Variants in FSTL5 observed in about 807,000 individuals in gnomAD.
The protein encoded by FSTL5 is follistatin-related protein 5.
In FSTL5, 62 loss-of-function variants were observed where a neutral mutation model predicts 89.1. The observed-to-expected ratio is 0.70, with a 90% CI of 0.57 to 0.86. The LOEUF is 0.86. Among genes scored for constraint, FSTL5 ranks in the 40% least tolerant of loss-of-function variants. The probability of loss-of-function intolerance (pLI) is 0.00; values close to 1 mark genes in which losing one functional copy is unlikely to be tolerated. For synonymous variants in FSTL5, 383 were observed against 346.2 expected (o/e 1.11, Z -1.18); for missense variants, 1,057 against 1,001.6 (o/e 1.06, Z -0.75).
chr4:161,527,466 C>T (rs1188217039), intron 10 of FSTL5, among the ~76,000 whole-genome samples: 2 of 151,838 alleles, frequency 1.3e-5, no homozygotes, highest in Non-Finnish European at 2.9e-5. Context: ...CAAACAACCC[C>T]TTCAAAAAGT....
At chr4:161,992,591 C>T (rs1358447289) in intron 3 of FSTL5, among the ~76,000 whole-genome samples, 1 of 151,352 alleles carries the variant, frequency 6.6e-6, no homozygotes, top group African/African-American at 2.4e-5. Context: ...GCCTGTAATC[C>T]CAGCACTTTG....
At chr4:161,937,822 T>C (rs987444150) in intron 3 of FSTL5, among the ~76,000 whole-genome samples, 11 of 152,190 alleles carry the variant, frequency 7.2e-5, no homozygotes, top group African/African-American at 1.7e-4. Context: ...CCTCCTCATA[T>C]ACGTGTGCTG....
intron 13 of FSTL5, among the ~76,000 whole-genome samples, chr4:161,462,056 T>C (rs1397620389): frequency 2.0e-5 from 3 of 152,244 alleles, no homozygotes; most frequent in Admixed American, 2.0e-4. Context: ...CAAATTGCTT[T>C]TCTTTTCACC....
intron 12 of FSTL5, among the ~76,000 whole-genome samples, chr4:161,488,293 C>T (rs550516215): frequency 7.2e-5 from 11 of 152,048 alleles, no homozygotes; most frequent in African/African-American, 1.4e-4. Context: ...GTCATGGTAA[C>T]GTGGGGGCTC....
intron 3 of FSTL5, among the ~76,000 whole-genome samples, chr4:161,954,649 A>G (rs1734981179): frequency 6.6e-6 from 1 of 151,614 alleles, no homozygotes; most frequent in Non-Finnish European, 1.5e-5. Flanking sequence ...ATCATGCTAC[A>G]CTTGGTTTCA....
chr4:162,102,243 T>G (rs1731024958), intron 2 of FSTL5, among the ~76,000 whole-genome samples: 3 of 152,088 alleles, frequency 2.0e-5, no homozygotes, highest in African/African-American at 7.2e-5. Context: ...ACCTGTGTCC[T>G]AATATTCTGA....
chr4:161,732,460 T>C (rs2126763430), intron 6 of FSTL5, among the ~76,000 whole-genome samples: 1 of 152,156 alleles, frequency 6.6e-6, no homozygotes, highest in South Asian at 2.1e-4. Context: ...TTTTCACTTT[T>C]ATAATGATGC....
At chr4:161,652,133 T>A (rs1007599440) in intron 7 of FSTL5, among the ~76,000 whole-genome samples, 3 of 152,054 alleles carry the variant, frequency 2.0e-5, no homozygotes, top group Non-Finnish European at 4.4e-5. Flanking sequence ...CAGTTAAGTA[T>A]CTCTTTTATC....
intron 6 of FSTL5, among the ~76,000 whole-genome samples, chr4:161,758,746 G>C (rs552543237): frequency 6.6e-5 from 10 of 152,236 alleles, no homozygotes; most frequent in Middle Eastern, 3.4e-3. Flanking sequence ...TTGAACTCCT[G>C]ACCTCAGGTG....
intron 3 of FSTL5, among the ~76,000 whole-genome samples, chr4:161,941,071 A>G (rs770726815): frequency 2.6e-5 from 4 of 151,892 alleles, no homozygotes; most frequent in African/African-American, 2.4e-5. Flanking sequence ...TATTAAGGCT[A>G]TGATGATACT....
Position 161,836,616 on chromosome 4 carries a change from T to C in FSTL5, c.410-60542A>G, listed in dbSNP as rs149946990. On this transcript the variant is annotated intron_variant, in intron 4 of 15. Transcript: ENST00000306100. ...ATGCTCTTTTAAGGAGTTTGGAGTG[T>C]ATTAGGGAAGCTATTTTAAGGAAGG... is the stretch of plus-strand genomic sequence containing the variant. 3.8e-3 allele frequency among the ~76,000 whole-genome samples: 579 copies of C among 152,062 alleles called. 1 individual carries two copies. The highest frequency in any genetic ancestry group is 4.9e-3 in the Non-Finnish European group (333 of 67,992).
intron 8 of FSTL5, among the ~76,000 whole-genome samples, chr4:161,564,110 G>A (rs561976700): frequency 2.5e-4 from 38 of 151,626 alleles, no homozygotes; most frequent in African/African-American, 9.2e-4. Flanking sequence ...TAATATATTT[G>A]TATTCAAATT....
chr4:162,147,260 ATTAGTTTC>A (rs992438664), intron 1 of FSTL5, among the ~76,000 whole-genome samples: 21 of 152,100 alleles, frequency 1.4e-4, no homozygotes, highest in Non-Finnish European at 2.9e-4. Context: ...TAATCTGGAA[ATTAGTTTC>A]TTAGTTTCTA....
chr4:161,723,688 A>G (rs1739293463), intron 6 of FSTL5, among the ~76,000 whole-genome samples: 1 of 152,058 alleles, frequency 6.6e-6, no homozygotes, highest in African/African-American at 2.4e-5. Flanking sequence ...ATCAGTGTAT[A>G]CACCTACTGA....
Position 161,775,860 on chromosome 4 carries a change from T to C in FSTL5, c.606+18A>G, listed in dbSNP as rs189053098. The C allele has an allele frequency of 6.5e-4, 857 of 1,312,566 alleles. 5 individuals carry two copies. In the African/African-American group the frequency reaches 0.011, roughly 17 times the overall value. The allele number at this position is 1,312,566 out of a possible 1,614,324, so 81.3% of individuals were successfully genotyped here. On this transcript the variant is annotated intron_variant, in intron 5 of 15. Transcript: ENST00000306100. ...TGCTATATTTCAGTAAGTTTGTTAA[T>C]ATAGTCACTAATCATACCTGAGTTA...
chr4:161,781,315 T>A (rs1368899024), intron 4 of FSTL5, among the ~76,000 whole-genome samples: 1 of 149,500 alleles, frequency 6.7e-6, no homozygotes, highest in African/African-American at 2.5e-5. Flanking sequence ...TGGTTAAAGG[T>A]AGCCTGAACA....
At chr4:161,846,112 C>T (rs942647934) in intron 4 of FSTL5, among the ~76,000 whole-genome samples, 4 of 151,234 alleles carry the variant, frequency 2.6e-5, no homozygotes, top group Admixed American at 1.3e-4. Context: ...TGTGTGTGCA[C>T]GCACAAGTAT....
intron 15 of FSTL5, among the ~76,000 whole-genome samples, chr4:161,420,144 A>T (rs1476703228): frequency 1.3e-5 from 2 of 152,232 alleles, no homozygotes; most frequent in African/African-American, 4.8e-5. Context: ...ACTACAATTT[A>T]TTCCTGATAG....
At chr4:161,862,751 G>A (rs1360869020) in intron 4 of FSTL5, among the ~76,000 whole-genome samples, 1 of 152,034 alleles carries the variant, frequency 6.6e-6, no homozygotes, top group African/African-American at 2.4e-5. Flanking sequence ...TAAATAAATA[G>A]AGAAAGAAAT....
Sources: allele counts gnomAD v4.1 joint callset (sites outside exome capture counted in the v4.1 genomes callset), GRCh38; gene constraint gnomAD v4.1.1; transcripts MANE v1.5; gene names NCBI Gene and HGNC (gene_info 2026-07-23, HGNC 2026-07-21).